FGF2: variants seen among roughly 807,000 people sequenced by gnomAD.
FGF2 encodes fibroblast growth factor 2.
In FGF2, 13 loss-of-function variants were observed where a neutral mutation model predicts 15.9. The ratio of observed to expected loss-of-function variants is 0.82; its 90% CI spans 0.53 to 1.30. The LOEUF (loss-of-function observed/expected upper bound fraction) is 1.30, where lower values mean the gene tolerates loss of function less well. Among genes scored for constraint, FGF2 ranks in the 50% most tolerant of loss-of-function variants. The pLI, the probability that FGF2 is intolerant of heterozygous loss-of-function variation, is 0.00. For synonymous variants in FGF2, 90 were observed against 78.4 expected, an observed-to-expected ratio of 1.15 and a Z score of -0.78; for missense variants, 163 against 196.9, an observed-to-expected ratio of 0.83 and a Z score of 1.03.
intron 1 of FGF2, among the ~76,000 whole-genome samples, chr4:122,841,990 G>C (rs1280975651): frequency 6.6e-6 from 1 of 152,178 alleles, no homozygotes; most frequent in Non-Finnish European, 1.5e-5. Context: ...TAGAACTGTA[G>C]AGCTTTTATG....
chr4:122,832,210 A>G (rs559221913), intron 1 of FGF2, among the ~76,000 whole-genome samples: 2 of 152,274 alleles, frequency 1.3e-5, no homozygotes, highest in East Asian at 1.9e-4. Context: ...AAAGTCTATG[A>G]CCATGAAACG....
chr4:122,869,873 G>T lies in FGF2; in HGVS notation c.179-6448G>T, dbSNP rs575419498. 2.0e-5 allele frequency among the ~76,000 whole-genome samples: 3 copies of T among 152,264 alleles called. No individual in the cohort carries two copies. The East Asian group carries it at 5.8e-4, about 29-fold the overall frequency. On this transcript the variant is annotated intron_variant, in intron 1 of 2. Coordinates refer to ENST00000644866, the MANE Select transcript of FGF2 (RefSeq NM_001361665.2). ...CCCTGGCCAGAATTTCCAATACTAT[G>T]TTGAGTAGGAGTGGTGAGAGAGGCA...
chr4:122,893,020 G>C lies in FGF2; in HGVS notation c.*624G>C. 6.2e-7 allele frequency: 1 copy of C among 1,614,124 alleles called. No homozygotes were observed. The highest frequency in any genetic ancestry group is 8.5e-7 in the Non-Finnish European group (1 of 1,180,026). On this transcript the variant is annotated 3_prime_UTR_variant, in exon 3 of 3. Transcript: ENST00000644866. ...GAGTTGTATTTTCAGTCTTCGCCAG[G>C]TCATTGAGATCCATCCACTCACATC... is the stretch of plus-strand genomic sequence containing the variant.
At chr4:122,857,324 T>A (rs1726362427) in intron 1 of FGF2, among the ~76,000 whole-genome samples, 1 of 152,250 alleles carries the variant, frequency 6.6e-6, no homozygotes, top group South Asian at 2.1e-4. Context: ...GACTATTTAC[T>A]GATGAGTACT....
chr4:122,867,782 T>G (rs1341567260), intron 1 of FGF2, among the ~76,000 whole-genome samples: 3 of 152,386 alleles, frequency 2.0e-5, no homozygotes, highest in South Asian at 4.1e-4. Flanking sequence ...TTCCATATTC[T>G]TAATGATTTA....
intron 2 of FGF2, chr4:122,882,817 G>A (rs1020014021): frequency 6.6e-6 from 1 of 152,118 alleles, no homozygotes; most frequent in Admixed American, 6.5e-5. Context: ...GTGGCTTGAT[G>A]TCATGCCTTT....
intron 1 of FGF2, among the ~76,000 whole-genome samples, chr4:122,852,215 T>C (rs1726246408): frequency 6.6e-6 from 1 of 152,194 alleles, no homozygotes; most frequent in Non-Finnish European, 1.5e-5. Context: ...ATTTAGAATG[T>C]GTCATGCAGC....
intron 1 of FGF2, among the ~76,000 whole-genome samples, chr4:122,847,402 C>T (rs1726135063): frequency 6.6e-6 from 1 of 152,048 alleles, no homozygotes; most frequent in Non-Finnish European, 1.5e-5. Flanking sequence ...TGGACTGACC[C>T]CATGGACTGG....
chr4:122,848,249 T>A (rs1417838427), intron 1 of FGF2, among the ~76,000 whole-genome samples: 1 of 152,230 alleles, frequency 6.6e-6, no homozygotes, highest in Non-Finnish European at 1.5e-5. Context: ...GGAGTCTCCT[T>A]CTTCCATGGC....
chr4:122,856,976 T>G (rs117081464), intron 1 of FGF2, among the ~76,000 whole-genome samples: 1 of 152,182 alleles, frequency 6.6e-6, no homozygotes, highest in Non-Finnish European at 1.5e-5. Flanking sequence ...TTAACACATA[T>G]AGGGTTGATG....
At chr4:122,828,839 C>G (rs1186407165) in intron 1 of FGF2, among the ~76,000 whole-genome samples, 1 of 147,878 alleles carries the variant, frequency 6.8e-6, no homozygotes, top group Non-Finnish European at 1.5e-5. Flanking sequence ...TTGAACTCAT[C>G]TATTTCAAAA....
rs1668591044 is a variant in FGF2, at chr4:122,827,604, G to C, written c.178+252G>C. Among the ~76,000 whole-genome samples the C allele has an allele frequency of 6.6e-6, 1 of 152,014 alleles. No individual in the cohort carries two copies. The highest frequency in any genetic ancestry group is 1.5e-5 in the Non-Finnish European group (1 of 67,982). ...CCCTGTAAACCAGTACCCCCGGCCC[G>C]GAGCCGCGGCGCGCCGGGGCCTCGC... On this transcript the variant is annotated intron_variant, in intron 1 of 2. Coordinates refer to ENST00000644866, the MANE Select transcript of FGF2 (RefSeq NM_001361665.2). This position sits in a 1 kb window ranked among gnomAD's most constrained non-coding sequence, Gnocchi z 4.2.
chr4:122,885,913 C>CTTTTTTTTTTT (rs11310783), intron 2 of FGF2, among the ~76,000 whole-genome samples: 1 of 84,528 alleles, frequency 1.2e-5, no homozygotes. Context: ...TTTTTTTTTC[C>CTTTTTTTTTTT]TTTTTTTTTT....
At chr4:122,832,036 AACT>A (rs1249656314) in intron 1 of FGF2, among the ~76,000 whole-genome samples, 1 of 152,200 alleles carries the variant, frequency 6.6e-6, no homozygotes, top group Non-Finnish European at 1.5e-5. Context: ...ACATTATTGG[AACT>A]ACTATTTTAA....
At chr4:122,829,298 T>C (rs1310689779) in intron 1 of FGF2, among the ~76,000 whole-genome samples, 1 of 152,178 alleles carries the variant, frequency 6.6e-6, no homozygotes, top group Non-Finnish European at 1.5e-5. Flanking sequence ...CCAGGGGACA[T>C]TTGACAATGC....
chr4:122,897,520 A>C lies in FGF2; in HGVS notation c.*5124A>C. 1 of 830,010 alleles carries C rather than the reference A, an allele frequency of 1.2e-6. No homozygotes were observed. The highest frequency in any genetic ancestry group is 2.0e-6 in the Non-Finnish European group (1 of 488,742). 51.4% of individuals were successfully genotyped at this position (830,010 alleles called of 1,614,324 possible). On this transcript the variant is annotated 3_prime_UTR_variant, in exon 3 of 3. Transcript: ENST00000644866. ...TGAAATGTTCAGACTCAGTCGGAAC[A>C]AATTGGAAAATTTAAATTTTTATTC...
chr4:122,889,849 ATAGT>A (rs940675348), intron 2 of FGF2: 2 of 152,206 alleles, frequency 1.3e-5, no homozygotes, highest in African/African-American at 4.8e-5. Context: ...TGTTATTGGA[ATAGT>A]TAGTATTCTA....
intron 2 of FGF2, among the ~76,000 whole-genome samples, chr4:122,880,328 G>C (rs1441381925): frequency 1.3e-5 from 2 of 148,606 alleles, no homozygotes; most frequent in Non-Finnish European, 3.0e-5. Flanking sequence ...CTCACTGCAA[G>C]CTCCACCTCC....
At chr4:122,826,711 C>G (rs1725632235), upstream of FGF2, 2 of 1,255,016 alleles carry the variant, frequency 1.6e-6, no homozygotes, top group African/African-American at 1.5e-5. Context: ...CAGAGGCCGG[C>G]CCCAGAAAAC....
Sources: gnomAD v4.1 joint callset for allele counts (sites outside exome capture counted in the v4.1 genomes callset) on GRCh38, gnomAD v4.1.1 for gene constraint, Gnocchi (gnomAD v3.1) non-coding constraint, MANE v1.5 for transcripts, NCBI Gene and HGNC (gene_info 2026-07-23, HGNC 2026-07-21) for gene names.